Variants in MDGA2 observed in about 807,000 individuals in gnomAD.
MDGA2 encodes MAM domain-containing glycosylphosphatidylinositol anchor protein 2.
MDGA2 carries 40 observed loss-of-function variants against 117.8 expected under a neutral mutation model. The ratio of observed to expected loss-of-function variants is 0.34; its 90% confidence interval spans 0.26 to 0.44. The LOEUF is 0.44. Ranked by LOEUF, MDGA2 falls within the 20% of genes least tolerant of loss-of-function variation. MDGA2 has a pLI of 1.00. For missense variants in MDGA2, 1,123 were observed against 1,250.6 expected (o/e 0.90, Z 1.54); for synonymous variants, 452 against 439.0 (o/e 1.03, Z -0.37).
chr14:47,354,479 C>A (rs1289771998), intron 1 of MDGA2, among the ~76,000 whole-genome samples: 1 of 152,144 alleles, frequency 6.6e-6, no homozygotes, highest in Non-Finnish European at 1.5e-5. Flanking sequence ...AAAAACCCCA[C>A]CCAGGGAGGA....
At chr14:47,358,058 G>C (rs1891034999) in intron 1 of MDGA2, among the ~76,000 whole-genome samples, 1 of 152,180 alleles carries the variant, frequency 6.6e-6, no homozygotes, top group Non-Finnish European at 1.5e-5. Context: ...AAAAATTCCA[G>C]GAAGAAGCTC....
At chr14:47,496,854 T>C (rs1364229678) in intron 1 of MDGA2, among the ~76,000 whole-genome samples, 1 of 152,038 alleles carries the variant, frequency 6.6e-6, no homozygotes, top group African/African-American at 2.4e-5. Context: ...GGACTAGTTT[T>C]CTGGAAGACC....
chr14:47,412,518 G>C (rs1368579833), intron 1 of MDGA2, among the ~76,000 whole-genome samples: 1 of 152,194 alleles, frequency 6.6e-6, no homozygotes, highest in Non-Finnish European at 1.5e-5. Flanking sequence ...CTGGCTTCAA[G>C]CAATCCTCTA....
rs995714023 is a variant in MDGA2, at chr14:46,841,485, C to G, written c.*446G>C. 1 of 152,826 alleles carries G rather than the reference C, an allele frequency of 6.5e-6. No individual in the cohort carries two copies. The highest frequency in any genetic ancestry group is 1.5e-5 in the Non-Finnish European group (1 of 68,292). The allele number at this position is 152,826 out of a possible 1,614,324, so 9.5% of individuals were successfully genotyped here. On this transcript the variant is annotated 3_prime_UTR_variant, in exon 17 of 17. Coordinates refer to ENST00000399232, the MANE Select transcript of MDGA2 (RefSeq NM_001113498.3). ...AAGGAAAATAAATGCCAGCTCTTCACGTACCCTGTTTACAGTGAGGTTTTT... is the reference window on the plus strand; with the variant it reads ...AAGGAAAATAAATGCCAGCTCTTCAGGTACCCTGTTTACAGTGAGGTTTTT...
At chr14:47,280,314 C>CAAAAAAAAAAAAA (rs1196509408) in intron 2 of MDGA2, among the ~76,000 whole-genome samples, 5 of 35,832 alleles carry the variant, frequency 1.4e-4, no homozygotes, top group African/African-American at 3.7e-4. Flanking sequence ...AACTCCATCT[C>CAAAAAAAAAAAAA]AAAAAAAAAA....
intron 7 of MDGA2, among the ~76,000 whole-genome samples, chr14:47,053,652 T>TACACAC (rs1244737107): frequency 8.2e-4 from 75 of 91,674 alleles, no homozygotes; most frequent in Non-Finnish European, 1.2e-3. Context: ...TATATATATA[T>TACACAC]ATACACACAC....
intron 1 of MDGA2, among the ~76,000 whole-genome samples, chr14:47,356,089 A>G (rs1238630464): frequency 1.3e-5 from 2 of 152,104 alleles, no homozygotes; most frequent in African/African-American, 2.4e-5. Context: ...CTAGGTATTC[A>G]TTCTTCCCTT....
At chr14:47,014,277 A>C (rs969270719) in intron 8 of MDGA2, among the ~76,000 whole-genome samples, 6 of 152,178 alleles carry the variant, frequency 3.9e-5, no homozygotes, top group African/African-American at 1.4e-4. Flanking sequence ...TAGATTTAGC[A>C]TGATTCTTAA....
At chr14:47,651,213 GGTGTGTGTGTGTGTGT>G (rs56853118) in intron 1 of MDGA2, among the ~76,000 whole-genome samples, 20 of 146,414 alleles carry the variant, frequency 1.4e-4, no homozygotes, top group Admixed American at 1.3e-3. Context: ...GTGTGCATGT[GGTGTGTGTGTGTGTGT>G]GTGTGTGTGT....
intron 1 of MDGA2, among the ~76,000 whole-genome samples, chr14:47,590,482 C>T (rs1158588745): frequency 6.6e-6 from 1 of 151,726 alleles, no homozygotes. Flanking sequence ...ATTATGAATA[C>T]TAGGTACAAT....
At chr14:47,160,685 T>G (rs994734252) in intron 3 of MDGA2, among the ~76,000 whole-genome samples, 3 of 152,074 alleles carry the variant, frequency 2.0e-5, no homozygotes, top group Non-Finnish European at 4.4e-5. Context: ...AATAAATAAA[T>G]AAACACACAC....
chr14:46,957,550 A>G lies in MDGA2; in HGVS notation c.1913T>C (p.Ile638Thr), dbSNP rs746031703. The change falls in exon 9 of 17, where the codon ATA (isoleucine) becomes ACA (threonine). Residue 638 changes from isoleucine to threonine, a missense_variant. Coordinates refer to ENST00000399232, the MANE Select transcript of MDGA2 (RefSeq NM_001113498.3). ...MSCRVLRAYPIRVLTYEWRLG... is the reference protein window; with the variant it reads ...MSCRVLRAYPTRVLTYEWRLG... The stretch of plus-strand genomic sequence containing the variant: ...GCGCCACTCATAGGTCAGCACCCGT[A>G]TTGGATAGGCTCTCAGTACTCTGCA... 6.2e-7 allele frequency: 1 copy of G among 1,614,154 alleles called. No homozygotes were observed. The highest frequency in any genetic ancestry group is 8.5e-7 in the Non-Finnish European group (1 of 1,180,016).
intron 1 of MDGA2, among the ~76,000 whole-genome samples, chr14:47,614,743 T>A (rs1295635947): frequency 6.6e-6 from 1 of 152,208 alleles, no homozygotes; most frequent in African/African-American, 2.4e-5. Flanking sequence ...TTTGTATGCA[T>A]CTCAGATTTA....
At chr14:47,064,885 A>G (rs1230223232) in intron 6 of MDGA2, among the ~76,000 whole-genome samples, 6 of 152,146 alleles carry the variant, frequency 3.9e-5, no homozygotes, top group Non-Finnish European at 8.8e-5. Flanking sequence ...TTAAACTCTT[A>G]AAATCAATCT....
chr14:47,004,805 A>AT (rs1390804043), intron 8 of MDGA2, among the ~76,000 whole-genome samples: 1 of 151,538 alleles, frequency 6.6e-6, no homozygotes, highest in East Asian at 1.9e-4. Context: ...CTTTTCACAG[A>AT]TTTTTCCCTG....
chr14:47,531,857 G>T (rs886684532), intron 1 of MDGA2, among the ~76,000 whole-genome samples: 1 of 152,170 alleles, frequency 6.6e-6, no homozygotes, highest in African/African-American at 2.4e-5. Context: ...TTGGTTCAGA[G>T]AATTGTGTGC....
intron 6 of MDGA2, among the ~76,000 whole-genome samples, chr14:47,084,332 C>A (rs1890815591): frequency 6.6e-6 from 1 of 151,910 alleles, no homozygotes; most frequent in South Asian, 2.1e-4. Flanking sequence ...AATTAAAAAA[C>A]AAACACACTG....
chr14:47,430,682 A>G (rs1892781232), intron 1 of MDGA2, among the ~76,000 whole-genome samples: 1 of 152,132 alleles, frequency 6.6e-6, no homozygotes, highest in African/African-American at 2.4e-5. Flanking sequence ...TAAACATATA[A>G]GATCCTATAT....
At chr14:46,969,947 T>C (rs1230964550) in intron 8 of MDGA2, among the ~76,000 whole-genome samples, 8 of 22,206 alleles carry the variant, frequency 3.6e-4, no homozygotes, top group South Asian at 2.6e-3. Flanking sequence ...TATATATATA[T>C]ATATATATAT....
Sources: allele counts gnomAD v4.1 joint callset (sites outside exome capture counted in the v4.1 genomes callset), GRCh38; gene constraint gnomAD v4.1.1; transcripts MANE v1.5; gene names NCBI Gene and HGNC (gene_info 2026-07-23, HGNC 2026-07-21).